NBAS: variants seen among roughly 807,000 people sequenced by gnomAD.
NBAS encodes NAG/BC035112 fusion.
Under a neutral mutation model 302.5 loss-of-function variants are expected in NBAS, and 219 were observed. That is an observed-to-expected ratio of 0.72 (90% CI 0.65 to 0.81). The LOEUF is 0.81. Among genes scored for constraint, NBAS ranks in the 30% least tolerant of loss-of-function variants. The pLI, the probability that NBAS is intolerant of heterozygous loss-of-function variation, is 0.00. For synonymous variants in NBAS, 1,118 were observed against 1,021.6 expected, an observed-to-expected ratio of 1.09 and a Z score of -1.80; for missense variants, 2,932 against 2,841.6, an observed-to-expected ratio of 1.03 and a Z score of -0.72.
At chr2:15,111,963 G>C in the NBAS span, among the ~76,000 whole-genome samples, 1 of 146,770 alleles carries the variant, frequency 6.8e-6, no homozygotes, top group Non-Finnish European at 1.5e-5. Context: ...TATATTAATA[G>C]GTTCAATATT....
intron 5 of NBAS, among the ~76,000 whole-genome samples, chr2:15,552,002 T>C (rs1278374235): frequency 6.6e-6 from 1 of 152,244 alleles, no homozygotes; most frequent in Non-Finnish European, 1.5e-5. Context: ...TAGGTCACCA[T>C]ATTTAAATCA....
the NBAS span, among the ~76,000 whole-genome samples, chr2:15,102,945 G>T: frequency 7.4e-5 from 11 of 148,518 alleles, no homozygotes; most frequent in Admixed American, 2.1e-4. Context: ...AGGGTATACA[G>T]ATTTTGGAGG....
Position 15,407,471 on chromosome 2 carries a change from T to C in NBAS, c.2938-5170A>G, listed in dbSNP as rs191916007. ...GAAATAGGAGAGTCTTTTTGAAACTTGAAACCGCTCAATCCCTGATCAGAT... is the reference window on the plus strand; with the variant it reads ...GAAATAGGAGAGTCTTTTTGAAACTCGAAACCGCTCAATCCCTGATCAGAT... On this transcript the variant is annotated intron_variant, in intron 25 of 51. Coordinates refer to ENST00000281513, the MANE Select transcript of NBAS (RefSeq NM_015909.4). 5.2e-4 allele frequency among the ~76,000 whole-genome samples: 79 copies of C among 152,282 alleles called. 1 individual carries two copies. The highest frequency in any genetic ancestry group is 1.8e-3 in the African/African-American group (75 of 41,560).
At chr2:15,331,962 AGAGT>A (rs1290070069) in intron 35 of NBAS, among the ~76,000 whole-genome samples, 2 of 152,212 alleles carry the variant, frequency 1.3e-5, no homozygotes, top group African/African-American at 4.8e-5. Context: ...AGGATCAGGG[AGAGT>A]GAGTGTCAGA....
At chr2:15,427,619 A>G in intron 22 of NBAS, 92 bp downstream of exon 22, 1 of 1,042,732 alleles carries the variant, frequency 9.6e-7, no homozygotes, top group Non-Finnish European at 1.5e-6. Flanking sequence ...GTCATCAAGT[A>G]AGGTTTCATT....
At chr2:15,541,682 A>T (rs1663829258) in intron 6 of NBAS, among the ~76,000 whole-genome samples, 1 of 151,924 alleles carries the variant, frequency 6.6e-6, no homozygotes, top group African/African-American at 2.4e-5. Flanking sequence ...AAGTGGGAAT[A>T]ATTTTTTCTA....
At chr2:14,849,977 T>G in the NBAS span, among the ~76,000 whole-genome samples, 1 of 139,498 alleles carries the variant, frequency 7.2e-6, no homozygotes, top group Non-Finnish European at 1.5e-5. Context: ...TGCAAAATCA[T>G]GCCAAAATGT....
the NBAS span, among the ~76,000 whole-genome samples, chr2:15,108,049 T>C: frequency 6.6e-6 from 1 of 151,894 alleles, no homozygotes; most frequent in East Asian, 1.9e-4. Flanking sequence ...TAGAGTTCCA[T>C]TGTATTAACA....
intron 50 of NBAS, among the ~76,000 whole-genome samples, chr2:15,181,475 CCT>C (rs772402648): frequency 1.1e-4 from 16 of 152,290 alleles, no homozygotes; most frequent in South Asian, 2.1e-4. Context: ...CTACTTTCCC[CCT>C]GTGTTGCAAG....
chr2:15,506,417 G>A (rs771996050), intron 10 of NBAS, among the ~76,000 whole-genome samples: 3 of 152,054 alleles, frequency 2.0e-5, no homozygotes, highest in Admixed American at 6.6e-5. Flanking sequence ...AATAACATAC[G>A]AAGGGCAAAT....
intron 51 of NBAS, among the ~76,000 whole-genome samples, chr2:15,178,449 G>A (rs762391507): frequency 6.6e-6 from 1 of 152,166 alleles, no homozygotes; most frequent in Non-Finnish European, 1.5e-5. Context: ...AAGGCAACAG[G>A]CCTTGAGGGA....
At chr2:15,438,421 A>C (rs927142492) in intron 21 of NBAS, among the ~76,000 whole-genome samples, 6 of 152,222 alleles carry the variant, frequency 3.9e-5, no homozygotes, top group African/African-American at 1.4e-4. Flanking sequence ...ACTTTAAAAC[A>C]CTAAAAGAGA....
At chr2:14,898,831 G>C in the NBAS span, among the ~76,000 whole-genome samples, 3 of 152,148 alleles carry the variant, frequency 2.0e-5, no homozygotes, top group Non-Finnish European at 2.9e-5. Flanking sequence ...CCAGTCTCAG[G>C]TATGTCTTTA....
intron 35 of NBAS, among the ~76,000 whole-genome samples, chr2:15,334,727 T>C (rs972969036): frequency 6.6e-5 from 10 of 152,202 alleles, no homozygotes; most frequent in African/African-American, 2.2e-4. Context: ...CCAGCATATA[T>C]TCTCCTTTCC....
At chr2:15,020,862 A>G in the NBAS span, among the ~76,000 whole-genome samples, 1 of 152,136 alleles carries the variant, frequency 6.6e-6, no homozygotes, top group Non-Finnish European at 1.5e-5. Flanking sequence ...TGAAGGAGAA[A>G]CTGAGTTTAA....
the NBAS span, among the ~76,000 whole-genome samples, chr2:14,789,943 C>A: frequency 6.6e-6 from 1 of 152,188 alleles, no homozygotes; most frequent in Non-Finnish European, 1.5e-5. Flanking sequence ...AATAAGGGAA[C>A]AGAAAACAGT....
At chr2:15,551,197 A>G (rs1479757536) in intron 6 of NBAS, among the ~76,000 whole-genome samples, 1 of 152,202 alleles carries the variant, frequency 6.6e-6, no homozygotes, top group Non-Finnish European at 1.5e-5. Context: ...CTCTTGACTT[A>G]TACCTATTTA....
chr2:15,157,078 T>C, the NBAS span, among the ~76,000 whole-genome samples: 3,913 of 151,938 alleles, frequency 0.026, 93 homozygotes, highest in East Asian at 0.12. Flanking sequence ...AACCAGGAGG[T>C]CAATGGATCC....
At chr2:15,065,769 C>T in the NBAS span, among the ~76,000 whole-genome samples, 3 of 152,078 alleles carry the variant, frequency 2.0e-5, no homozygotes, top group Non-Finnish European at 4.4e-5. Flanking sequence ...AAAGATGCTA[C>T]ATGTTTATGG....
Sources: allele counts gnomAD v4.1 joint callset (sites outside exome capture counted in the v4.1 genomes callset), GRCh38; gene constraint gnomAD v4.1.1; transcripts MANE v1.5; gene names NCBI Gene and HGNC (gene_info 2026-07-23, HGNC 2026-07-21).